Variants in ADAMTS20 observed in about 807,000 individuals in gnomAD.
ADAMTS20 encodes the protein A disintegrin and metalloproteinase with thrombospondin motifs 20.
A neutral mutation model predicts 260.1 loss-of-function variants in ADAMTS20; 225 were observed. The observed-to-expected ratio is 0.87, with a 90% CI of 0.78 to 0.97. The LOEUF (loss-of-function observed/expected upper bound fraction) is 0.97, where lower values mean the gene tolerates loss of function less well. ADAMTS20 is among the 50% of genes least tolerant of loss of function. The pLI, the probability that ADAMTS20 is intolerant of heterozygous loss-of-function variation, is 0.00. For synonymous variants in ADAMTS20, 802 were observed against 769.5 expected (o/e 1.04, Z -0.70); for missense variants, 2,400 against 2,337.7 (o/e 1.03, Z -0.55).
intron 4 of ADAMTS20, among the ~76,000 whole-genome samples, chr12:43,495,761 A>G (rs532370593): frequency 6.6e-6 from 1 of 152,270 alleles, no homozygotes; most frequent in South Asian, 2.1e-4. Context: ...AGATGGTTTG[A>G]TTTAAATAAT....
At chr12:43,464,564 C>A in intron 10 of ADAMTS20, 27 bp downstream of exon 10, 1 of 1,600,794 alleles carries the variant, frequency 6.2e-7, no homozygotes, top group Non-Finnish European at 8.5e-7. Context: ...AGTTTTCGAA[C>A]AAAATAAAGG....
intron 3 of ADAMTS20, among the ~76,000 whole-genome samples, chr12:43,529,568 C>A (rs1047980441): frequency 2.0e-5 from 3 of 152,054 alleles, no homozygotes; most frequent in African/African-American, 7.2e-5. Context: ...AAACCAAATA[C>A]CATACGTTCT....
At chr12:43,377,637 T>A (rs533539064) in intron 31 of ADAMTS20, 75 bp from the exon 32 acceptor site, 53 of 1,197,120 alleles carry the variant, frequency 4.4e-5, no homozygotes, top group Non-Finnish European at 5.6e-5. Flanking sequence ...AGATGCTTAA[T>A]ATATATTATG....
At position 43,551,699 on chromosome 12, in the gene ADAMTS20, C is replaced by T; in HGVS notation, c.91+132G>A. 1.1e-6 allele frequency: 1 copy of T among 927,466 alleles called. No homozygotes were observed. Among genetic ancestry groups the T allele is most frequent in the East Asian group, 2.6e-5 (1 of 38,398 alleles). 57.5% of individuals were successfully genotyped at this position (927,466 alleles called of 1,614,324 possible). ...GTCGCGACCTCTCCGGCTGACTGGT[C>T]CGGGAGTCCCGGGAGCTCCAGCAGG... On this transcript the variant is annotated intron_variant, in intron 1 of 38. Transcript: ENST00000389420. This position sits in a 1 kb window ranked among gnomAD's most constrained non-coding sequence, Gnocchi z 4.6.
chr12:43,526,196 C>T (rs180798317), intron 3 of ADAMTS20, among the ~76,000 whole-genome samples: 20 of 152,320 alleles, frequency 1.3e-4, no homozygotes, highest in Admixed American at 1.3e-3. Flanking sequence ...GTGGCTCACG[C>T]CTGTAATCCA....
intron 11 of ADAMTS20, among the ~76,000 whole-genome samples, chr12:43,455,510 T>G (rs1314688832): frequency 1.3e-5 from 2 of 152,172 alleles, no homozygotes; most frequent in Admixed American, 6.5e-5. Context: ...AAGGCCCTTT[T>G]ATAAGGCATT....
At chr12:43,390,657 A>C (rs954454328) in intron 29 of ADAMTS20, among the ~76,000 whole-genome samples, 1 of 152,170 alleles carries the variant, frequency 6.6e-6, no homozygotes, top group African/African-American at 2.4e-5. Flanking sequence ...GCCACTTTCG[A>C]GCAAGCATGG....
intron 2 of ADAMTS20, among the ~76,000 whole-genome samples, chr12:43,543,390 C>T (rs275628): frequency 0.97 from 148,384 of 152,334 alleles, 72,292 homozygotes; most frequent in East Asian, 1. Flanking sequence ...TCTTCAGGAG[C>T]CAAAAACTGC....
At chr12:43,539,282 T>A (rs1459391770) in intron 2 of ADAMTS20, among the ~76,000 whole-genome samples, 1 of 152,132 alleles carries the variant, frequency 6.6e-6, no homozygotes, top group Non-Finnish European at 1.5e-5. Flanking sequence ...ATGGTACTCT[T>A]GAGACATGTC....
intron 28 of ADAMTS20, among the ~76,000 whole-genome samples, chr12:43,425,113 T>C (rs1483705874): frequency 6.6e-6 from 1 of 152,322 alleles, no homozygotes; most frequent in East Asian, 1.9e-4. Context: ...TGCGGGGACA[T>C]GGATAGAATT....
chr12:43,373,411 G>C (rs1316413781), intron 36 of ADAMTS20, among the ~76,000 whole-genome samples: 1 of 152,088 alleles, frequency 6.6e-6, no homozygotes, highest in African/African-American at 2.4e-5. Context: ...CTCTATCAGG[G>C]ATGTCTAATC....
At chr12:43,410,552 G>A (rs947165870) in intron 28 of ADAMTS20, among the ~76,000 whole-genome samples, 1 of 152,164 alleles carries the variant, frequency 6.6e-6, no homozygotes, top group African/African-American at 2.4e-5. Flanking sequence ...AAATTGATTT[G>A]GAATTAATTT....
At chr12:43,418,981 A>G (rs1454846112) in intron 28 of ADAMTS20, among the ~76,000 whole-genome samples, 1 of 152,190 alleles carries the variant, frequency 6.6e-6, no homozygotes, top group East Asian at 1.9e-4. Flanking sequence ...GAAACCACAT[A>G]TTGAAATAAA....
intron 28 of ADAMTS20, among the ~76,000 whole-genome samples, chr12:43,418,220 A>C (rs1941167114): frequency 6.6e-6 from 1 of 152,240 alleles, no homozygotes; most frequent in Non-Finnish European, 1.5e-5. Flanking sequence ...ATTTAGCAGT[A>C]GTTGAGAAAG....
At chr12:43,447,523 C>T (rs1308436612) in intron 14 of ADAMTS20, among the ~76,000 whole-genome samples, 2 of 152,110 alleles carry the variant, frequency 1.3e-5, no homozygotes, top group Non-Finnish European at 2.9e-5. Flanking sequence ...ATGACAAACC[C>T]ACAACAGCTA....
chr12:43,460,988 A>ATATATATATATATATATT, intron 11 of ADAMTS20, among the ~76,000 whole-genome samples: 1 of 26,394 alleles, frequency 3.8e-5, no homozygotes, highest in African/African-American at 1.3e-4. Flanking sequence ...ATATATATAT[A>ATATATATATATATATATT]TTTTTTTTTT....
intron 8 of ADAMTS20, among the ~76,000 whole-genome samples, chr12:43,467,342 T>C (rs1283870770): frequency 6.6e-6 from 1 of 152,058 alleles, no homozygotes; most frequent in Non-Finnish European, 1.5e-5. Flanking sequence ...TAAAGGGCAG[T>C]CACATCTTCA....
chr12:43,550,996 C>T lies in ADAMTS20; in HGVS notation c.366G>A (p.Gly122=). 1.2e-6 allele frequency: 2 copies of T among 1,612,922 alleles called. No individual in the cohort carries two copies. The highest frequency in any genetic ancestry group is 1.7e-6 in the Non-Finnish European group (2 of 1,179,386). Residue 122 remains glycine, a synonymous_variant, in exon 2 of 39, where the codon GGG becomes GGA. Coordinates refer to ENST00000389420, the MANE Select transcript of ADAMTS20 (RefSeq NM_025003.5). ...AGAAGCAGTGGCGCAGGTCCGAGGG[C>T]CCTGCGTCGCTCTCCCAGGCCCCGC... The part of the protein sequence containing the change: ...PERGAWESDA[G]PSDLRHCFYR...
rs186684287 is a variant in ADAMTS20, at chr12:43,534,616, A to T, written c.454-2421T>A. Among the ~76,000 whole-genome samples, 73 of 152,306 alleles carry T rather than the reference A, an allele frequency of 4.8e-4. 1 individual carries two copies. The highest frequency in any genetic ancestry group is 1.7e-3 in the African/African-American group (69 of 41,572). ...TGTTTACATAAACTTTAGCACAACT[A>T]TGTGATGGCATCCCTTGAGGTTATA... On this transcript the variant is annotated intron_variant, in intron 2 of 38. Transcript: ENST00000389420.
Sources: gnomAD v4.1 joint callset for allele counts (sites outside exome capture counted in the v4.1 genomes callset) on GRCh38, gnomAD v4.1.1 for gene constraint, Gnocchi (gnomAD v3.1) non-coding constraint, MANE v1.5 for transcripts, NCBI Gene and HGNC (gene_info 2026-07-23, HGNC 2026-07-21) for gene names.